The following SLC24A2 variants were observed in gnomAD, a reference collection of about 807,000 sequenced individuals.
The protein encoded by SLC24A2 is sodium/potassium/calcium exchanger 2.
A neutral mutation model predicts 62.0 loss-of-function variants in SLC24A2; 36 were observed. The observed-to-expected ratio is 0.58, with a 90% confidence interval of 0.44 to 0.77. The LOEUF (loss-of-function observed/expected upper bound fraction) is 0.77, where lower values mean the gene tolerates loss of function less well. Ranked by LOEUF, SLC24A2 falls within the 30% of genes least tolerant of loss-of-function variation. The pLI is 0.00. For synonymous variants in SLC24A2, 358 were observed against 294.0 expected, an observed-to-expected ratio of 1.22 and a Z score of -2.23; for missense variants, 846 against 817.9, an observed-to-expected ratio of 1.03 and a Z score of -0.42.
intron 10 of SLC24A2, 101 bp from the exon 11 acceptor site, chr9:19,516,503 C>T (rs1832937442): frequency 7.2e-7 from 1 of 1,391,598 alleles, no homozygotes; most frequent in African/African-American, 1.4e-5. Context: ...TTCTCAGGAA[C>T]TCTAAACTGA....
chr9:20,266,864 G>A, the SLC24A2 span, among the ~76,000 whole-genome samples: 1 of 152,034 alleles, frequency 6.6e-6, no homozygotes, highest in Non-Finnish European at 1.5e-5. Flanking sequence ...GATCACTTGA[G>A]GCCAGAAGTT....
chr9:19,637,661 C>G (rs573126014), intron 2 of SLC24A2, among the ~76,000 whole-genome samples: 9 of 152,278 alleles, frequency 5.9e-5, no homozygotes, highest in Admixed American at 2.6e-4. Context: ...TAGTTGTTCC[C>G]TAGTTTTAGA....
the SLC24A2 span, among the ~76,000 whole-genome samples, chr9:20,044,484 G>A: frequency 2.0e-5 from 3 of 152,094 alleles, no homozygotes; most frequent in East Asian, 3.9e-4. Flanking sequence ...TGGGAGGCAG[G>A]GTTGTGCTCA....
At chr9:19,603,601 T>C (rs1332020093) in intron 4 of SLC24A2, among the ~76,000 whole-genome samples, 1 of 152,128 alleles carries the variant, frequency 6.6e-6, no homozygotes, top group East Asian at 1.9e-4. Flanking sequence ...TCTTCAATTC[T>C]GTCTTTTCTG....
At chr9:19,915,584 T>TA in the SLC24A2 span, among the ~76,000 whole-genome samples, 1 of 152,106 alleles carries the variant, frequency 6.6e-6, no homozygotes, top group Non-Finnish European at 1.5e-5. Flanking sequence ...TCCATATCCT[T>TA]ACCAACAGTT....
At chr9:19,890,464 A>G in the SLC24A2 span, among the ~76,000 whole-genome samples, 1 of 152,064 alleles carries the variant, frequency 6.6e-6, no homozygotes, top group Non-Finnish European at 1.5e-5. Context: ...TGACTTCTCA[A>G]TGTCATTTGA....
chr9:19,769,133 A>C (rs1822607429), intron 2 of SLC24A2, among the ~76,000 whole-genome samples: 1 of 151,798 alleles, frequency 6.6e-6, no homozygotes, highest in African/African-American at 2.4e-5. Flanking sequence ...CTTGAAACCC[A>C]CTCCTCCTGA....
chr9:20,239,623 CAT>C, the SLC24A2 span, among the ~76,000 whole-genome samples: 1 of 152,298 alleles, frequency 6.6e-6, no homozygotes, highest in Admixed American at 6.5e-5. Context: ...GAAAGGAGTA[CAT>C]GAGAAGAGCT....
chr9:20,127,413 T>A, the SLC24A2 span, among the ~76,000 whole-genome samples: 1 of 152,128 alleles, frequency 6.6e-6, no homozygotes, highest in East Asian at 1.9e-4. Context: ...TTAACAACAA[T>A]GGAGAGAATT....
the SLC24A2 span, among the ~76,000 whole-genome samples, chr9:20,175,687 T>C: frequency 6.6e-6 from 1 of 151,998 alleles, no homozygotes; most frequent in African/African-American, 2.4e-5. Flanking sequence ...ATTAAAACCT[T>C]AGTATTTTAG....
chr9:19,829,693 T>C, the SLC24A2 span, among the ~76,000 whole-genome samples: 3 of 151,268 alleles, frequency 2.0e-5, no homozygotes, highest in African/African-American at 7.3e-5. Flanking sequence ...TTTGTACCAC[T>C]GTTCCAGGCT....
chr9:20,096,472 C>T, the SLC24A2 span, among the ~76,000 whole-genome samples: 1 of 151,930 alleles, frequency 6.6e-6, no homozygotes, highest in Non-Finnish European at 1.5e-5. Flanking sequence ...TTTCTTTTTA[C>T]TTTTCTGTAT....
the SLC24A2 span, among the ~76,000 whole-genome samples, chr9:20,107,850 C>G: frequency 1.3e-5 from 2 of 152,100 alleles, no homozygotes; most frequent in Non-Finnish European, 2.9e-5. Flanking sequence ...CAAATGGGAT[C>G]TAATTAACCT....
At chr9:19,634,752 C>A (rs967926625) in intron 2 of SLC24A2, among the ~76,000 whole-genome samples, 1 of 152,042 alleles carries the variant, frequency 6.6e-6, no homozygotes, top group Non-Finnish European at 1.5e-5. Context: ...TTTAGGGAAA[C>A]CTGGAGCTTT....
the SLC24A2 span, among the ~76,000 whole-genome samples, chr9:19,835,912 A>G: frequency 6.6e-6 from 1 of 152,250 alleles, no homozygotes; most frequent in African/African-American, 2.4e-5. Flanking sequence ...AGAACTCAGG[A>G]TTAAGAAACT....
At chr9:20,071,574 A>G in the SLC24A2 span, among the ~76,000 whole-genome samples, 4 of 152,158 alleles carry the variant, frequency 2.6e-5, no homozygotes, top group Non-Finnish European at 5.9e-5. Flanking sequence ...AGAATTTATA[A>G]ATGTTACATT....
At chr9:20,247,470 C>T in the SLC24A2 span, among the ~76,000 whole-genome samples, 6 of 152,128 alleles carry the variant, frequency 3.9e-5, no homozygotes, top group African/African-American at 1.4e-4. Context: ...GTGAAGCCCC[C>T]ATGGATGAGA....
At chr9:19,919,790 C>T in the SLC24A2 span, among the ~76,000 whole-genome samples, 3 of 152,072 alleles carry the variant, frequency 2.0e-5, no homozygotes. Flanking sequence ...GGGCGGAAAG[C>T]CCCTTATAAA....
intron 4 of SLC24A2, among the ~76,000 whole-genome samples, chr9:19,617,138 GA>G (rs1817788755): frequency 6.6e-6 from 1 of 152,174 alleles, no homozygotes; most frequent in African/African-American, 2.4e-5. Flanking sequence ...ATTTGGGGAT[GA>G]AACTGTTCCA....
Sources: allele counts gnomAD v4.1 joint callset (sites outside exome capture counted in the v4.1 genomes callset), GRCh38; gene constraint gnomAD v4.1.1; transcripts MANE v1.5; gene names NCBI Gene and HGNC (gene_info 2026-07-23, HGNC 2026-07-21).